The following ATG14 variants were observed in gnomAD, a reference collection of about 807,000 sequenced individuals.
ATG14 encodes the protein autophagy related 14.
In ATG14, 35 loss-of-function variants were observed where a neutral mutation model predicts 60.4. The ratio of observed to expected loss-of-function variants is 0.58; its 90% confidence interval spans 0.44 to 0.77. ATG14 has a LOEUF of 0.77. Ranked by LOEUF, ATG14 falls within the 30% of genes least tolerant of loss-of-function variation. The pLI is 0.00. For missense variants in ATG14, 647 were observed against 626.3 expected (o/e 1.03, Z -0.35); for synonymous variants, 234 against 228.8 (o/e 1.02, Z -0.21).
chr14:55,371,780 G>A (rs1261440723), intron 9 of ATG14, among the ~76,000 whole-genome samples: 1 of 151,356 alleles, frequency 6.6e-6, no homozygotes, highest in Non-Finnish European at 1.5e-5. Flanking sequence ...CTCTAGCCTG[G>A]GCGACAGAGC....
At chr14:55,377,725 G>T in intron 9 of ATG14, 94 bp downstream of exon 9, 1 of 830,706 alleles carries the variant, frequency 1.2e-6, no homozygotes, top group Non-Finnish European at 1.8e-6. Context: ...TGAGGAGTTT[G>T]GGATTAGGGA....
intron 1 of ATG14, among the ~76,000 whole-genome samples, chr14:55,409,931 T>C (rs1186353644): frequency 1.3e-5 from 2 of 152,228 alleles, no homozygotes; most frequent in Admixed American, 6.5e-5. Context: ...TCTGGTAGAT[T>C]GGACCAGGTG....
chr14:55,384,218 A>G (rs978111281), intron 5 of ATG14, among the ~76,000 whole-genome samples: 1 of 152,260 alleles, frequency 6.6e-6, no homozygotes, highest in African/African-American at 2.4e-5. Context: ...AGATTAAAAC[A>G]GCACAGAAAT....
At chr14:55,383,289 G>A (rs117054950) in intron 5 of ATG14, among the ~76,000 whole-genome samples, 2,289 of 152,300 alleles carry the variant, frequency 0.015, 33 homozygotes, top group Non-Finnish European at 0.024. Flanking sequence ...AGTGATTCAT[G>A]CCTGTAATCC....
At position 55,382,161 on chromosome 14, in the gene ATG14, G is replaced by A. The variant is rs895783756; in HGVS notation, c.678C>T (p.Asp226=). 1.9e-6 allele frequency: 3 copies of A among 1,614,058 alleles called. No individual in the cohort carries two copies. Among genetic ancestry groups the A allele is most frequent in the African/African-American group, 2.7e-5 (2 of 74,914 alleles). ...RDPADVSSES[D]SAMTSSTVSK... ...TCACAGTGCTGGAGGTCATGGCACT[G>A]TCACTCTCTGAAGACACATCTGCGG... Residue 226 remains aspartate, a synonymous_variant, in exon 6 of 10, where the codon GAC becomes GAT. Coordinates refer to ENST00000247178, the MANE Select transcript of ATG14 (RefSeq NM_014924.5).
intron 1 of ATG14, among the ~76,000 whole-genome samples, chr14:55,400,887 G>C (rs1885386625): frequency 6.6e-6 from 1 of 151,050 alleles, no homozygotes; most frequent in African/African-American, 2.4e-5. Context: ...CTGGGTGACA[G>C]AGTGAGACTG....
chr14:55,374,113 A>G (rs1267867021), intron 9 of ATG14, among the ~76,000 whole-genome samples: 1 of 152,248 alleles, frequency 6.6e-6, no homozygotes, highest in African/African-American at 2.4e-5. Flanking sequence ...TCCCTCAACT[A>G]CCAGCAACGC....
intron 1 of ATG14, among the ~76,000 whole-genome samples, chr14:55,408,448 G>A (rs1219098712): frequency 6.6e-6 from 1 of 151,926 alleles, no homozygotes; most frequent in African/African-American, 2.4e-5. Context: ...GTGAGACCCT[G>A]TCCCCTCCCC....
chr14:55,381,838 G>T, intron 6 of ATG14, 124 bp downstream of exon 6: 2 of 744,376 alleles, frequency 2.7e-6, no homozygotes, highest in Non-Finnish European at 4.4e-6. Context: ...GGTGATGGGA[G>T]CACAGTGCTG....
At chr14:55,380,274 A>T (rs1885003163) in intron 7 of ATG14, among the ~76,000 whole-genome samples, 1 of 151,914 alleles carries the variant, frequency 6.6e-6, no homozygotes, top group Non-Finnish European at 1.5e-5. Flanking sequence ...CAACAACAAC[A>T]AATCAAAGAA....
intron 3 of ATG14, among the ~76,000 whole-genome samples, chr14:55,393,443 T>C (rs1223526264): frequency 6.6e-6 from 1 of 151,850 alleles, no homozygotes; most frequent in Non-Finnish European, 1.5e-5. Context: ...TGAAAAAAAA[T>C]TACACATTAC....
At chr14:55,395,332 A>G (rs965968278) in intron 3 of ATG14, 4 of 244,648 alleles carry the variant, frequency 1.6e-5, no homozygotes, top group African/African-American at 9.4e-5. Context: ...CGCCTCTCCC[A>G]AACTCTTTAA....
At chr14:55,384,404 C>T (rs955941481) in intron 5 of ATG14, among the ~76,000 whole-genome samples, 1 of 152,192 alleles carries the variant, frequency 6.6e-6, no homozygotes, top group Non-Finnish European at 1.5e-5. Flanking sequence ...AGCACTGCTA[C>T]AACACTATTA....
chr14:55,395,936 T>G lies in ATG14; in HGVS notation c.327+4A>C. The G allele has an allele frequency of 6.3e-7, 1 of 1,587,636 alleles. No homozygotes were observed. Among genetic ancestry groups the G allele is most frequent in the Non-Finnish European group, 8.6e-7 (1 of 1,168,298 alleles). On this transcript the variant is annotated splice_donor_region_variant and intron_variant, in intron 3 of 9. Transcript: ENST00000247178. ...AAGTAAAAAGAACATGTATTACAAC[T>G]TACCAACTGATCTGTTATCCATTTT... is the stretch of plus-strand genomic sequence containing the variant.
At chr14:55,409,830 A>G (rs1885543721) in intron 1 of ATG14, among the ~76,000 whole-genome samples, 1 of 152,222 alleles carries the variant, frequency 6.6e-6, no homozygotes, top group Non-Finnish European at 1.5e-5. Flanking sequence ...ACAGAAATGG[A>G]GGAGTAGCAT....
chr14:55,388,958 T>TC (rs200470294), intron 4 of ATG14, among the ~76,000 whole-genome samples: 3 of 152,246 alleles, frequency 2.0e-5, no homozygotes, highest in East Asian at 3.9e-4. Flanking sequence ...CTTTTTTTTT[T>TC]CAACATGGCG....
In ATG14 at chr14:55,395,930, T is replaced by A; in HGVS notation, c.327+10A>T. On this transcript the variant is annotated intron_variant, in intron 3 of 9. Coordinates refer to ENST00000247178, the MANE Select transcript of ATG14 (RefSeq NM_014924.5). Reference sequence around the variant, plus strand: ...AGCCTCAAGTAAAAAGAACATGTATTACAACTTACCAACTGATCTGTTATC... The same window carrying A: ...AGCCTCAAGTAAAAAGAACATGTATAACAACTTACCAACTGATCTGTTATC... 8 of 1,574,214 alleles carry A rather than the reference T, an allele frequency of 5.1e-6. No individual in the cohort carries two copies. Among genetic ancestry groups the A allele is most frequent in the Non-Finnish European group, 6.0e-6 (7 of 1,161,714 alleles).
In ATG14 at chr14:55,368,955, A is replaced by G. The variant is rs1321524764; in HGVS notation, c.*664T>C. 1.3e-5 allele frequency: 2 copies of G among 152,622 alleles called. No individual in the cohort carries two copies. Among genetic ancestry groups the G allele is most frequent in the Non-Finnish European group, 2.9e-5 (2 of 68,030 alleles). 9.5% of individuals were successfully genotyped at this position (152,622 alleles called of 1,614,324 possible). On this transcript the variant is annotated 3_prime_UTR_variant, in exon 10 of 10. Coordinates refer to ENST00000247178, the MANE Select transcript of ATG14 (RefSeq NM_014924.5). ...ATTGCAGCCAGGATTTCTTCCATTT[A>G]TGGATGTGGGTCCTAAAGAAAAAGA...
intron 6 of ATG14, among the ~76,000 whole-genome samples, 185 bp from the exon 7 acceptor site, chr14:55,380,875 A>ATATATATATATATTTTTT (rs377330757): frequency 3.9e-4 from 44 of 112,688 alleles, no homozygotes; most frequent in Non-Finnish European, 7.0e-4. Flanking sequence ...ATATATATAT[A>ATATATATATATATTTTTT]TTTTTTTTTT....
Sources: gnomAD v4.1 joint callset for allele counts (sites outside exome capture counted in the v4.1 genomes callset) on GRCh38, gnomAD v4.1.1 for gene constraint, MANE v1.5 for transcripts, NCBI Gene and HGNC (gene_info 2026-07-23, HGNC 2026-07-21) for gene names.